Variants in TMEM181 observed in about 807,000 individuals in gnomAD.
TMEM181 encodes G protein-coupled receptor 178.
In TMEM181, 39 loss-of-function variants were observed where a neutral mutation model predicts 71.9. That is an observed-to-expected ratio of 0.54 (90% CI 0.42 to 0.71). The LOEUF is 0.71. Ranked by LOEUF, TMEM181 falls within the 30% of genes least tolerant of loss-of-function variation. The pLI, the probability that TMEM181 is intolerant of heterozygous loss-of-function variation, is 0.00. For synonymous variants in TMEM181, 245 were observed against 228.8 expected (o/e 1.07, Z -0.64); for missense variants, 595 against 583.0 (o/e 1.02, Z -0.21).
rs553271765 is a variant in TMEM181, at chr6:158,609,431, CCTT to C, written c.896+685_896+687del. ...ACTCATTGTACCCTCATGTCACACTCCTTCTTTGCTCCTACCTTGGAGCATTTT... is the reference window on the plus strand; with the variant it reads ...ACTCATTGTACCCTCATGTCACACTCCTTTGCTCCTACCTTGGAGCATTTT... On this transcript the variant is annotated intron_variant, in intron 10 of 16. Coordinates refer to ENST00000684151, the MANE Select transcript of TMEM181 (RefSeq NM_001376852.1). Among the ~76,000 whole-genome samples the C allele has an allele frequency of 2.0e-4, 31 of 152,256 alleles. No homozygotes were observed. The South Asian group carries it at 6.4e-3, about 32-fold the overall frequency.
At chr6:158,551,035 A>G (rs1229416426) in intron 1 of TMEM181, among the ~76,000 whole-genome samples, 1 of 147,482 alleles carries the variant, frequency 6.8e-6, no homozygotes, top group Non-Finnish European at 1.5e-5. Flanking sequence ...ATCTCGGCTC[A>G]CTGCAAATTC....
At position 158,625,789 on chromosome 6, in the gene TMEM181, G is replaced by T. The variant is rs761947725; in HGVS notation, c.1109+35G>T. The stretch of plus-strand genomic sequence containing the variant: ...CCTTATTTCTTGAAAACAGCAAAAC[G>T]GAATTTTTCTTTTACTGTCAGGAAT... On this transcript the variant is annotated intron_variant, in intron 13 of 16. Coordinates refer to ENST00000684151, the MANE Select transcript of TMEM181 (RefSeq NM_001376852.1). 1.9e-6 allele frequency: 3 copies of T among 1,580,198 alleles called. No individual in the cohort carries two copies. In the African/African-American group the frequency reaches 4.1e-5, roughly 21 times the overall value.
intron 15 of TMEM181, 136 bp downstream of exon 15, chr6:158,629,955 T>A (rs1469860562): frequency 4.0e-6 from 3 of 743,060 alleles, no homozygotes; most frequent in Non-Finnish European, 4.7e-6. Flanking sequence ...AGAGAGAGAG[T>A]GAGTTGAAAT....
chr6:158,562,486 A>G (rs1782246329), intron 1 of TMEM181, among the ~76,000 whole-genome samples: 1 of 137,802 alleles, frequency 7.3e-6, no homozygotes, highest in Admixed American at 7.2e-5. Context: ...CTTGCTTGGC[A>G]CGTGAAGCCA....
chr6:158,580,476 A>G (rs1421677404), intron 2 of TMEM181, among the ~76,000 whole-genome samples: 1 of 152,252 alleles, frequency 6.6e-6, no homozygotes, highest in African/African-American at 2.4e-5. Context: ...TTTCCTGCTT[A>G]TATTAGCATA....
intron 1 of TMEM181, among the ~76,000 whole-genome samples, chr6:158,546,113 T>C (rs555213771): frequency 1.3e-5 from 2 of 152,316 alleles, no homozygotes; most frequent in East Asian, 3.9e-4. Flanking sequence ...GGATTCAGGC[T>C]GACAGAGATT....
chr6:158,550,736 AC>A (rs1781694009), intron 1 of TMEM181, among the ~76,000 whole-genome samples: 1 of 152,094 alleles, frequency 6.6e-6, no homozygotes, highest in Non-Finnish European at 1.5e-5. Flanking sequence ...ATTTCATGGA[AC>A]AAAGTTGGAT....
intron 1 of TMEM181, among the ~76,000 whole-genome samples, chr6:158,562,308 C>A (rs186510816): frequency 4.3e-4 from 66 of 152,310 alleles, no homozygotes; most frequent in Middle Eastern, 3.4e-3. Flanking sequence ...TGCTAGGAGT[C>A]TGAGGACGGT....
At chr6:158,544,982 A>G (rs7754109) in intron 1 of TMEM181, among the ~76,000 whole-genome samples, 70,431 of 152,134 alleles carry the variant, frequency 0.46, 17,011 homozygotes, top group African/African-American at 0.61. Context: ...TGCCCTGGCA[A>G]GACTACCCTA....
At chr6:158,628,928 C>T (rs112615788) in intron 14 of TMEM181, among the ~76,000 whole-genome samples, 1 of 152,240 alleles carries the variant, frequency 6.6e-6, no homozygotes, top group Admixed American at 6.5e-5. Context: ...AGCCTCCTGT[C>T]TCCCCCCGGG....
At chr6:158,624,398 G>A (rs1395848003) in intron 11 of TMEM181, among the ~76,000 whole-genome samples, 7 of 152,236 alleles carry the variant, frequency 4.6e-5, no homozygotes, top group African/African-American at 7.2e-5. Flanking sequence ...CTGTAAGAGG[G>A]GAGCTCTGGC....
At position 158,580,964 on chromosome 6, in the gene TMEM181, C is replaced by T. The variant is rs146210447; in HGVS notation, c.137C>T (p.Ala46Val). The change falls in exon 3 of 17, where the codon GCG (alanine) becomes GTG (valine). Residue 46 changes from alanine to valine, a missense_variant. Transcript: ENST00000684151. ...IRGPKVIQTS[A>V]ANFSLNNSKK... ...GGACCTAAAGTGATCCAGACTTCTGCGGCTAATTTTTCACTAAATAATAGC... is the reference window on the plus strand; with the variant it reads ...GGACCTAAAGTGATCCAGACTTCTGTGGCTAATTTTTCACTAAATAATAGC... 1.7e-5 allele frequency: 27 copies of T among 1,608,810 alleles called. No homozygotes were observed. Among genetic ancestry groups the T allele is most frequent in the East Asian group, 4.5e-5 (2 of 44,778 alleles).
chr6:158,603,583 T>G (rs899491505), intron 6 of TMEM181, among the ~76,000 whole-genome samples: 55 of 110,196 alleles, frequency 5.0e-4, no homozygotes, highest in Non-Finnish European at 7.3e-4. Flanking sequence ...TTGATTTTTT[T>G]TCAGGTTTTT....
rs1296011999 is a variant in TMEM181, at chr6:158,625,157, G to A, written c.1008G>A (p.Leu336=). ...VVAAVYILYL[L]FLIVRACSEL... is the part of the protein sequence containing the mutation. ...CAGCGGTGTACATTCTGTACCTCTTGTTCTTGATAGTGCGGGCGTGTTCCG... is the reference window on the plus strand; with the variant it reads ...CAGCGGTGTACATTCTGTACCTCTTATTCTTGATAGTGCGGGCGTGTTCCG... Residue 336 remains leucine, a synonymous_variant, in exon 12 of 17, where the codon TTG becomes TTA. Coordinates refer to ENST00000684151, the MANE Select transcript of TMEM181 (RefSeq NM_001376852.1). 1 of 1,614,194 alleles carries A rather than the reference G, an allele frequency of 6.2e-7. No individual in the cohort carries two copies. Among genetic ancestry groups the A allele is most frequent in the Non-Finnish European group, 8.5e-7 (1 of 1,180,038 alleles).
rs1362420260 is a variant in TMEM181, at chr6:158,584,050, GA to G, written c.259+7del. ...TGAGTTGGATCAATCAAAAGGTATG[GA>G]GCTTGACATTTTGGAATGATTTTTC... On this transcript the variant is annotated splice_region_variant and intron_variant, in intron 4 of 16. Coordinates refer to ENST00000684151, the MANE Select transcript of TMEM181 (RefSeq NM_001376852.1). 1 of 1,595,558 alleles carries G rather than the reference GA, an allele frequency of 6.3e-7. No homozygotes were observed. The highest frequency in any genetic ancestry group is 2.2e-5 in the East Asian group (1 of 44,590).
intron 1 of TMEM181, among the ~76,000 whole-genome samples, chr6:158,537,547 G>A (rs555789788): frequency 1.9e-3 from 295 of 152,082 alleles, no homozygotes; most frequent in African/African-American, 6.1e-3. Flanking sequence ...CTTCCTCTCT[G>A]CGCTCTGCAG....
rs1287023462 is a variant in TMEM181 at position 158,631,934 on chromosome 6, C to T, written c.*46C>T. 1.3e-6 allele frequency: 2 copies of T among 1,516,888 alleles called. No homozygotes were observed. Among genetic ancestry groups the T allele is most frequent in the Admixed American group, 2.0e-5 (1 of 51,196 alleles). 94.0% of individuals were successfully genotyped at this position (1,516,888 alleles called of 1,614,324 possible). The stretch of plus-strand genomic sequence containing the variant: ...GCGACAAGATGCCTGGATGCTTTCC[C>T]CGGTGACCGTCTGCTGACCTTCCCC... On this transcript the variant is annotated 3_prime_UTR_variant, in exon 17 of 17. Coordinates refer to ENST00000684151, the MANE Select transcript of TMEM181 (RefSeq NM_001376852.1).
At chr6:158,545,334 C>A (rs2033971) in intron 1 of TMEM181, among the ~76,000 whole-genome samples, 43,706 of 152,282 alleles carry the variant, frequency 0.29, 7,025 homozygotes, top group East Asian at 0.56. Context: ...AGAATCATCA[C>A]GTGCCTGGGA....
intron 1 of TMEM181, among the ~76,000 whole-genome samples, chr6:158,566,478 G>C (rs900093119): frequency 9.3e-6 from 1 of 107,810 alleles, no homozygotes; most frequent in African/African-American, 3.5e-5. Flanking sequence ...GGAGGTGATG[G>C]TGAGCTCCTG....
Sources: allele counts gnomAD v4.1 joint callset (sites outside exome capture counted in the v4.1 genomes callset), GRCh38; gene constraint gnomAD v4.1.1; transcripts MANE v1.5; gene names NCBI Gene and HGNC (gene_info 2026-07-23, HGNC 2026-07-21).